WDR59: variants seen among roughly 807,000 people sequenced by gnomAD.
WDR59 encodes the protein WD repeat domain 59.
In WDR59, 100 loss-of-function variants were observed where a neutral mutation model predicts 131.2. The ratio of observed to expected loss-of-function variants is 0.76; its 90% CI spans 0.65 to 0.90. The LOEUF is 0.90. WDR59 is among the 40% of genes least tolerant of loss of function. WDR59 has a pLI of 0.00. For synonymous variants in WDR59, 601 were observed against 466.2 expected, an observed-to-expected ratio of 1.29 and a Z score of -3.72; for missense variants, 1,203 against 1,262.2, an observed-to-expected ratio of 0.95 and a Z score of 0.71.
At chr16:74,925,499 G>A (rs915118333) in intron 8 of WDR59, among the ~76,000 whole-genome samples, 1 of 142,452 alleles carries the variant, frequency 7.0e-6, no homozygotes, top group Non-Finnish European at 1.5e-5. Context: ...AGCCAAGATG[G>A]CAACACTGCA....
At chr16:74,883,035 TTTTTTTTGAGACAGAGTCTCACTCTG>T in intron 25 of WDR59, among the ~76,000 whole-genome samples, 1 of 139,438 alleles carries the variant, frequency 7.2e-6, no homozygotes, top group South Asian at 2.4e-4. Context: ...TTTTTTTTTT[TTTTTTTTGAGACAGAGTCTCACTCTG>T]TCACCAAGGC....
chr16:74,948,060 G>T (rs1196245599), intron 6 of WDR59, among the ~76,000 whole-genome samples: 1 of 152,128 alleles, frequency 6.6e-6, no homozygotes, highest in Non-Finnish European at 1.5e-5. Flanking sequence ...ACAAGAGCAA[G>T]ACTCTGTCTC....
Position 74,981,655 on chromosome 16 carries a change from TATATA to T in WDR59, c.54+3304_54+3308del, listed in dbSNP as rs1461408119. ...ATATATATATATATATATATATATA[TATATA>T]TTTTTTTTTTTTTTAGATGGAGTCT... On this transcript the variant is annotated intron_variant, in intron 1 of 25. Coordinates refer to ENST00000262144, the MANE Select transcript of WDR59 (RefSeq NM_030581.4). Among the ~76,000 whole-genome samples, 18 of 8,284 alleles carry T rather than the reference TATATA, an allele frequency of 2.2e-3. 2 individuals carry two copies. Among genetic ancestry groups the T allele is most frequent in the African/African-American group, 4.0e-3 (18 of 4,494 alleles). 5.4% of individuals were successfully genotyped at this position (8,284 alleles called of 152,430 possible). A position where few individuals can be genotyped will look rare whatever the true frequency, so the allele number is the denominator to read the frequency against.
At chr16:74,949,621 C>T (rs1301701804) in intron 5 of WDR59, 97 bp downstream of exon 5, 3 of 1,015,152 alleles carry the variant, frequency 3.0e-6, no homozygotes, top group African/African-American at 3.2e-5. Context: ...GTCTCGAGGT[C>T]TGTATCGAGG....
At chr16:74,916,336 C>T in intron 11 of WDR59, 77 bp from the exon 12 acceptor site, 6 of 1,586,234 alleles carry the variant, frequency 3.8e-6, no homozygotes, top group Non-Finnish European at 4.3e-6. Flanking sequence ...AGAGTTCTGA[C>T]TTAAAAATGG....
Position 74,885,645 on chromosome 16 carries a change from A to G in WDR59, c.2689+8T>C. 6.2e-7 allele frequency: 1 copy of G among 1,613,300 alleles called. No individual in the cohort carries two copies. Among genetic ancestry groups the G allele is most frequent in the Non-Finnish European group, 8.5e-7 (1 of 1,179,770 alleles). Reference sequence around the variant, plus strand: ...CAGTGAAAGGAAGAGAGAGAAATTCATACTCACCGATCCCTTTGTGAGGGT... The same window carrying G: ...CAGTGAAAGGAAGAGAGAGAAATTCGTACTCACCGATCCCTTTGTGAGGGT... On this transcript the variant is annotated splice_region_variant and intron_variant, in intron 25 of 25. Transcript: ENST00000262144.
At chr16:74,885,333 C>T (rs1964699378) in intron 25 of WDR59, among the ~76,000 whole-genome samples, 1 of 150,020 alleles carries the variant, frequency 6.7e-6, no homozygotes, top group African/African-American at 2.4e-5. Context: ...CGCCTGTAGT[C>T]TCAGCTACTC....
intron 8 of WDR59, among the ~76,000 whole-genome samples, chr16:74,927,792 T>C (rs563132767): frequency 6.6e-6 from 1 of 152,012 alleles, no homozygotes; most frequent in Admixed American, 6.6e-5. Flanking sequence ...ATGGCTGTTT[T>C]TTTCAAAAGA....
At chr16:74,940,651 A>G (rs968880913) in intron 7 of WDR59, among the ~76,000 whole-genome samples, 3 of 152,192 alleles carry the variant, frequency 2.0e-5, no homozygotes, top group African/African-American at 7.2e-5. Context: ...AATATAATCA[A>G]CAAGTTCTAC....
intron 8 of WDR59, among the ~76,000 whole-genome samples, chr16:74,928,893 G>C (rs1207657326): frequency 3.3e-5 from 5 of 151,960 alleles, no homozygotes. Context: ...TGGATGATAG[G>C]GCGAGACTCT....
intron 18 of WDR59, among the ~76,000 whole-genome samples, chr16:74,897,981 G>A (rs1048551067): frequency 2.0e-5 from 3 of 152,156 alleles, no homozygotes; most frequent in Admixed American, 2.0e-4. Flanking sequence ...ACTAGTTGGG[G>A]TCTTAGGCCT....
Position 74,918,022 on chromosome 16 carries a change from A to G in WDR59, c.887-14T>C. On this transcript the variant is annotated splice_polypyrimidine_tract_variant and intron_variant, in intron 10 of 25. Coordinates refer to ENST00000262144, the MANE Select transcript of WDR59 (RefSeq NM_030581.4). ...AGTCCTTGGACCCTAGAAATCACCAAATAAGAATCCTGGAAATTCTTCTGG... is the reference window on the plus strand; with the variant it reads ...AGTCCTTGGACCCTAGAAATCACCAGATAAGAATCCTGGAAATTCTTCTGG... The G allele has an allele frequency of 6.2e-7, 1 of 1,612,254 alleles. No homozygotes were observed. The highest frequency in any genetic ancestry group is 8.5e-7 in the Non-Finnish European group (1 of 1,178,828).
At chr16:74,896,848 T>G (rs1420694561) in intron 18 of WDR59, among the ~76,000 whole-genome samples, 1 of 152,144 alleles carries the variant, frequency 6.6e-6, no homozygotes, top group East Asian at 1.9e-4. Flanking sequence ...TGTGCTAGTA[T>G]AAGCCTCACT....
rs1331704739 is a variant in WDR59 at position 74,956,318 on chromosome 16, A to G, written c.240+157T>C. 2.0e-5 allele frequency among the ~76,000 whole-genome samples: 3 copies of G among 152,100 alleles called. No homozygotes were observed. The East Asian group carries it at 5.8e-4, about 29-fold the overall frequency. On this transcript the variant is annotated intron_variant, in intron 3 of 25. Coordinates refer to ENST00000262144, the MANE Select transcript of WDR59 (RefSeq NM_030581.4). ...CAGCGAGCATTCCCACGTATATTTAATCCGTAACTTGCCTCTGTCTTTTTC... is the reference window on the plus strand; with the variant it reads ...CAGCGAGCATTCCCACGTATATTTAGTCCGTAACTTGCCTCTGTCTTTTTC...
At chr16:74,877,614 A>G (rs1964278976) in intron 25 of WDR59, among the ~76,000 whole-genome samples, 1 of 152,102 alleles carries the variant, frequency 6.6e-6, no homozygotes, top group Admixed American at 6.6e-5. Flanking sequence ...GTGCGATCTC[A>G]GCTCACTGCA....
intron 14 of WDR59, among the ~76,000 whole-genome samples, chr16:74,910,734 A>G (rs546907705): frequency 2.0e-5 from 3 of 152,122 alleles, no homozygotes; most frequent in Non-Finnish European, 4.4e-5. Flanking sequence ...AGCTTGTGGG[A>G]GTTATTTATA....
At chr16:74,896,522 C>T (rs898434258) in intron 18 of WDR59, among the ~76,000 whole-genome samples, 1 of 151,952 alleles carries the variant, frequency 6.6e-6, no homozygotes, top group Non-Finnish European at 1.5e-5. Context: ...GTGGTCCCAG[C>T]TATTCGGGAG....
At chr16:74,907,901 G>A (rs1042405721) in intron 17 of WDR59, among the ~76,000 whole-genome samples, 1 of 152,194 alleles carries the variant, frequency 6.6e-6, no homozygotes, top group Non-Finnish European at 1.5e-5. Context: ...TGAAGCTGAA[G>A]TTTAGATAAC....
Position 74,949,807 on chromosome 16 carries a change from C to A in WDR59, c.327-9G>T, listed in dbSNP as rs541671083. On this transcript the variant is annotated splice_polypyrimidine_tract_variant and intron_variant, in intron 4 of 25. Transcript: ENST00000262144. ...CCGCCCAGTCCAAGTCGCTGGGACA[C>A]AAAGAATAAACAGAACAAAGAAAAG... 15 of 1,613,458 alleles carry A rather than the reference C, an allele frequency of 9.3e-6. No homozygotes were observed. The highest frequency in any genetic ancestry group is 1.0e-5 in the Non-Finnish European group (12 of 1,179,642).
Sources: gnomAD v4.1 joint callset for allele counts (sites outside exome capture counted in the v4.1 genomes callset) on GRCh38, gnomAD v4.1.1 for gene constraint, MANE v1.5 for transcripts, NCBI Gene and HGNC (gene_info 2026-07-23, HGNC 2026-07-21) for gene names.